The following TRA2B variants were observed in gnomAD, a reference collection of about 807,000 sequenced individuals.
TRA2B encodes the protein transformer 2 beta homolog, also known as transformer-2 protein homolog beta.
Under a neutral mutation model 41.7 loss-of-function variants are expected in TRA2B, and 14 were observed. The observed-to-expected ratio is 0.34, with a 90% CI of 0.22 to 0.53. TRA2B has a LOEUF of 0.53. Ranked by LOEUF, TRA2B falls within the 20% of genes least tolerant of loss-of-function variation. The pLI is 0.95. For synonymous variants in TRA2B, 130 were observed against 128.8 expected (o/e 1.01, Z -0.06); for missense variants, 167 against 396.8 (o/e 0.42, Z 4.92).
At position 185,914,571 on chromosome 3, in the gene TRA2B, T is replaced by TA. The variant is rs1391328161; in HGVS notation, c.*3143dup. Among the ~76,000 whole-genome samples, 3 of 152,182 alleles carry TA rather than the reference T, an allele frequency of 2.0e-5. No individual in the cohort carries two copies. The highest frequency in any genetic ancestry group is 4.4e-5 in the Non-Finnish European group (3 of 68,026). On this transcript the variant is annotated 3_prime_UTR_variant, in exon 9 of 9. Transcript: ENST00000453386. ...ACCAATCCAGTATTCTTGTCACTTTTAAGTCTTTACATTATATATTAAAGA... is the reference window on the plus strand; with the variant it reads ...ACCAATCCAGTATTCTTGTCACTTTTAAAGTCTTTACATTATATATTAAAGA...
At chr3:185,919,565 T>C (rs1743635509) in intron 6 of TRA2B, 69 bp from the exon 7 acceptor site, 7 of 1,360,092 alleles carry the variant, frequency 5.1e-6, no homozygotes, top group Non-Finnish European at 4.1e-6. Flanking sequence ...GTCATTCATT[T>C]AGTAAAATAA....
In TRA2B at chr3:185,916,016, T is replaced by C. The variant is rs976840147; in HGVS notation, c.*1699A>G. 5 of 152,218 alleles carry C rather than the reference T, an allele frequency of 3.3e-5. No individual in the cohort carries two copies. The highest frequency in any genetic ancestry group is 1.9e-4 in the East Asian group (1 of 5,202). The allele number at this position is 152,218 out of a possible 1,614,324, so 9.4% of individuals were successfully genotyped here. On this transcript the variant is annotated 3_prime_UTR_variant, in exon 9 of 9. Coordinates refer to ENST00000453386, the MANE Select transcript of TRA2B (RefSeq NM_004593.3). ...CTACAAATTCTTGTTTCAAAACTCATTGAGAACAATTTGAAATAACCCATC... is the reference window on the plus strand; with the variant it reads ...CTACAAATTCTTGTTTCAAAACTCACTGAGAACAATTTGAAATAACCCATC...
chr3:185,919,353 T>C (rs573929581), intron 7 of TRA2B, 84 bp downstream of exon 7: 42 of 1,188,242 alleles, frequency 3.5e-5, no homozygotes, highest in Non-Finnish European at 4.8e-5. Flanking sequence ...ATTCCACTTA[T>C]AATTTACCAA....
chr3:185,918,058 C>T (rs1013633576), intron 8 of TRA2B, among the ~76,000 whole-genome samples: 2 of 151,922 alleles, frequency 1.3e-5, no homozygotes, highest in East Asian at 3.8e-4. Flanking sequence ...TTAGAAACAA[C>T]AGGAGTCTCT....
At chr3:185,933,638 TATA>T (rs1165926460) in intron 1 of TRA2B, among the ~76,000 whole-genome samples, 9 of 152,238 alleles carry the variant, frequency 5.9e-5, no homozygotes, top group South Asian at 2.1e-4. Context: ...CTCATATCAA[TATA>T]ATAAGGACTA....
At chr3:185,922,833 A>G (rs953540953) in intron 4 of TRA2B, 3 of 152,246 alleles carry the variant, frequency 2.0e-5, no homozygotes, top group African/African-American at 7.2e-5. Flanking sequence ...CCTTTCACCT[A>G]AATAGAATTT....
At chr3:185,935,717 G>A (rs1744325047) in intron 1 of TRA2B, 1 of 985,264 alleles carries the variant, frequency 1.0e-6, no homozygotes, top group Non-Finnish European at 1.2e-6. Context: ...GTTCCATTGA[G>A]CTTTATGGTT....
chr3:185,935,182 C>T (rs1744300306), intron 1 of TRA2B: 1 of 985,400 alleles, frequency 1.0e-6, no homozygotes, highest in Non-Finnish European at 1.2e-6. Flanking sequence ...AGAAATGGTG[C>T]TAGTCAACCC....
At chr3:185,924,284 C>T in intron 3 of TRA2B, 1 of 246,148 alleles carries the variant, frequency 4.1e-6, no homozygotes, top group Non-Finnish European at 7.7e-6. Context: ...GAAAAATTCA[C>T]ATATTCATAA....
rs1270043340 is a variant in TRA2B, at chr3:185,916,357, A to T, written c.*1358T>A. On this transcript the variant is annotated 3_prime_UTR_variant, in exon 9 of 9. Transcript: ENST00000453386. Reference sequence around the variant, plus strand: ...CTACATCATTTCATTGCTAAAGATTATATGTAAAGTTCTTCCCAAAGTACC... The same window carrying T: ...CTACATCATTTCATTGCTAAAGATTTTATGTAAAGTTCTTCCCAAAGTACC... 4 of 152,218 alleles carry T rather than the reference A, an allele frequency of 2.6e-5. No individual in the cohort carries two copies. The highest frequency in any genetic ancestry group is 4.4e-5 in the Non-Finnish European group (3 of 68,040). 9.4% of individuals were successfully genotyped at this position (152,218 alleles called of 1,614,324 possible). A position where few individuals can be genotyped will look rare whatever the true frequency, so the allele number is the denominator to read the frequency against.
chr3:185,917,855 T>C (rs927480757), intron 8 of TRA2B, 130 bp from the exon 9 acceptor site: 4 of 817,830 alleles, frequency 4.9e-6, no homozygotes, highest in South Asian at 1.6e-5. Flanking sequence ...CACCCCCAAA[T>C]AGAGAAAGAC....
chr3:185,923,757 T>C (rs374965454), intron 4 of TRA2B, 39 bp downstream of exon 4: 29 of 1,562,390 alleles, frequency 1.9e-5, no homozygotes, highest in Admixed American at 3.7e-5. Flanking sequence ...GCGTTAACAA[T>C]AGAACTGATG....
In TRA2B at chr3:185,918,318, G is replaced by A. The variant is rs781633335; in HGVS notation, c.856+47C>T. 3.7e-5 allele frequency: 52 copies of A among 1,404,978 alleles called. 1 individual carries two copies. Among genetic ancestry groups the A allele is most frequent in the South Asian group, 2.2e-4 (19 of 84,922 alleles). The allele number at this position is 1,404,978 out of a possible 1,614,324, so 87.0% of individuals were successfully genotyped here. ...ATAAAGGGAATACACTGTCATCAGA[G>A]CAAGCCATACTACAATATAAACAAT... On this transcript the variant is annotated intron_variant, in intron 8 of 8. Coordinates refer to ENST00000453386, the MANE Select transcript of TRA2B (RefSeq NM_004593.3).
intron 1 of TRA2B, chr3:185,937,340 G>C: frequency 5.0e-6 from 5 of 990,700 alleles, no homozygotes; most frequent in Non-Finnish European, 4.8e-6. Flanking sequence ...AAAGAACGTC[G>C]TCTGTCCCCT....
chr3:185,930,714 T>C (rs1744118278), intron 1 of TRA2B, among the ~76,000 whole-genome samples: 1 of 152,174 alleles, frequency 6.6e-6, no homozygotes, highest in Non-Finnish European at 1.5e-5. Flanking sequence ...AAGGGACAGC[T>C]TTTGGGTTGA....
At chr3:185,931,969 AAAG>A in intron 1 of TRA2B, 2 of 754,568 alleles carry the variant, frequency 2.7e-6, no homozygotes. Context: ...AAAAAAAAAA[AAAG>A]AAACTAGAAT....
rs909525195 is a variant in TRA2B at position 185,925,682 on chromosome 3, T to A, written c.171-56A>T. 6.5e-6 allele frequency: 10 copies of A among 1,541,262 alleles called. No homozygotes were observed. In the Admixed American group the frequency reaches 1.4e-4, roughly 22 times the overall value. On this transcript the variant is annotated intron_variant, in intron 2 of 8. Transcript: ENST00000453386. ...CTGAAAACAAATATTGTCTTCTTTA[T>A]TACTCTGTTCTAAAGTTAAACTCCA...
chr3:185,928,641 G>A (rs200915641), intron 1 of TRA2B: 1 of 152,136 alleles, frequency 6.6e-6, no homozygotes, highest in Non-Finnish European at 1.5e-5. Context: ...ATATAGAAAT[G>A]GGGAACCCAA....
intron 2 of TRA2B, 60 bp from the exon 3 acceptor site, chr3:185,925,686 T>A: frequency 1.3e-6 from 2 of 1,528,650 alleles, no homozygotes; most frequent in Non-Finnish European, 1.8e-6. Flanking sequence ...TCTTTATTAC[T>A]CTGTTCTAAA....
Sources: allele counts gnomAD v4.1 joint callset (sites outside exome capture counted in the v4.1 genomes callset), GRCh38; gene constraint gnomAD v4.1.1; transcripts MANE v1.5; gene names NCBI Gene and HGNC (gene_info 2026-07-23, HGNC 2026-07-21).